Variants in CACNA2D3 observed in about 807,000 individuals in gnomAD.
The protein encoded by CACNA2D3 is voltage-dependent calcium channel subunit alpha-2/delta-3.
A neutral mutation model predicts 160.6 loss-of-function variants in CACNA2D3; 60 were observed. The ratio of observed to expected loss-of-function variants is 0.37; its 90% CI spans 0.30 to 0.46. The LOEUF (loss-of-function observed/expected upper bound fraction) is 0.46, where lower values mean the gene tolerates loss of function less well. Ranked by LOEUF, CACNA2D3 falls within the 20% of genes least tolerant of loss-of-function variation. The pLI, the probability that CACNA2D3 is intolerant of heterozygous loss-of-function variation, is 1.00. For missense variants in CACNA2D3, 1,205 were observed against 1,365.0 expected, an observed-to-expected ratio of 0.88 and a Z score of 1.85; for synonymous variants, 558 against 492.9, an observed-to-expected ratio of 1.13 and a Z score of -1.75.
chr3:54,691,339 G>A (rs1034382904), intron 11 of CACNA2D3, among the ~76,000 whole-genome samples: 2 of 152,180 alleles, frequency 1.3e-5, no homozygotes, highest in African/African-American at 4.8e-5. Context: ...CAGCAGCCAG[G>A]CTCTTTGCTA....
rs112303643 is a variant in CACNA2D3, at chr3:54,493,720, G to A, written c.382-9772G>A. Among the ~76,000 whole-genome samples, 571 of 152,274 alleles carry A rather than the reference G, an allele frequency of 3.7e-3. 2 individuals carry two copies. Among genetic ancestry groups the A allele is most frequent in the Middle Eastern group, 0.017 (5 of 294 alleles). ...AATAATTTCTGTCCCTTGAATATCC[G>A]ACAGCATCCTGCTGCCTGGGTTGAC... On this transcript the variant is annotated intron_variant, in intron 4 of 37. Coordinates refer to ENST00000474759, the MANE Select transcript of CACNA2D3 (RefSeq NM_018398.3).
chr3:54,584,410 C>T (rs897814864), intron 9 of CACNA2D3, among the ~76,000 whole-genome samples: 2 of 152,076 alleles, frequency 1.3e-5, no homozygotes, highest in Non-Finnish European at 2.9e-5. Flanking sequence ...CACTGATGAG[C>T]TCAATAGAGT....
chr3:54,724,843 A>C (rs545590012), intron 11 of CACNA2D3, among the ~76,000 whole-genome samples: 46 of 152,280 alleles, frequency 3.0e-4, no homozygotes, highest in African/African-American at 1.0e-3. Context: ...TGACACGCTA[A>C]TATCAAAATT....
At chr3:54,972,418 A>G (rs1477693443) in intron 29 of CACNA2D3, among the ~76,000 whole-genome samples, 1 of 152,178 alleles carries the variant, frequency 6.6e-6, no homozygotes, top group Non-Finnish European at 1.5e-5. Flanking sequence ...CCATTGTTTC[A>G]GCAGACTCTT....
intron 11 of CACNA2D3, among the ~76,000 whole-genome samples, chr3:54,679,461 A>C (rs909734524): frequency 6.6e-6 from 1 of 152,192 alleles, no homozygotes; most frequent in Non-Finnish European, 1.5e-5. Context: ...CTCTGTGTGC[A>C]TCAATCCCTG....
At chr3:54,445,607 A>G (rs2106804605) in intron 4 of CACNA2D3, among the ~76,000 whole-genome samples, 1 of 146,212 alleles carries the variant, frequency 6.8e-6, no homozygotes, top group African/African-American at 2.5e-5. Context: ...AAGAAGGAGA[A>G]AATGGAGCAT....
chr3:54,733,005 T>A (rs1377550071), intron 11 of CACNA2D3, among the ~76,000 whole-genome samples: 1 of 152,240 alleles, frequency 6.6e-6, no homozygotes, highest in Non-Finnish European at 1.5e-5. Flanking sequence ...GGGAACTCAC[T>A]GGGGACCATC....
intron 2 of CACNA2D3, among the ~76,000 whole-genome samples, chr3:54,247,541 TA>T (rs1374225652): frequency 6.6e-6 from 1 of 152,100 alleles, no homozygotes; most frequent in Middle Eastern, 3.4e-3. Context: ...GATAATGCCT[TA>T]AATTAAGTAG....
intron 4 of CACNA2D3, among the ~76,000 whole-genome samples, chr3:54,502,827 T>G (rs1701315002): frequency 6.6e-6 from 1 of 152,200 alleles, no homozygotes; most frequent in Non-Finnish European, 1.5e-5. Flanking sequence ...CTTAGAGTGA[T>G]TTCTGACACA....
At chr3:54,410,716 T>A (rs1364972274) in intron 4 of CACNA2D3, among the ~76,000 whole-genome samples, 3 of 152,088 alleles carry the variant, frequency 2.0e-5, no homozygotes, top group African/African-American at 7.2e-5. Flanking sequence ...TACAAAGAGA[T>A]TAATGTTGTT....
intron 11 of CACNA2D3, among the ~76,000 whole-genome samples, chr3:54,697,074 C>G (rs867250619): frequency 2.0e-5 from 3 of 152,050 alleles, no homozygotes; most frequent in African/African-American, 4.8e-5. Context: ...CTCAGGAGTT[C>G]AAGACCAGCC....
intron 13 of CACNA2D3, among the ~76,000 whole-genome samples, chr3:54,778,737 C>T (rs1559579014): frequency 6.6e-6 from 1 of 152,186 alleles, no homozygotes; most frequent in Non-Finnish European, 1.5e-5. Context: ...ATCTCATAGA[C>T]TCAGAGATCC....
intron 4 of CACNA2D3, among the ~76,000 whole-genome samples, chr3:54,500,137 A>C (rs1701265321): frequency 1.3e-5 from 2 of 152,190 alleles, no homozygotes; most frequent in Non-Finnish European, 2.9e-5. Flanking sequence ...TTTATCATTA[A>C]GTAATGCCTG....
intron 2 of CACNA2D3, among the ~76,000 whole-genome samples, chr3:54,214,687 C>T (rs895953026): frequency 1.3e-5 from 2 of 152,096 alleles, no homozygotes; most frequent in African/African-American, 4.8e-5. Context: ...GAGGATGCCC[C>T]AGCACAGTCA....
chr3:54,211,126 A>G (rs1012983376), intron 2 of CACNA2D3, among the ~76,000 whole-genome samples: 1 of 152,150 alleles, frequency 6.6e-6, no homozygotes, highest in Non-Finnish European at 1.5e-5. Context: ...TTGTGGATAT[A>G]TGTGTATACA....
chr3:55,038,708 G>A (rs1284491906), intron 35 of CACNA2D3, among the ~76,000 whole-genome samples: 1 of 151,542 alleles, frequency 6.6e-6, no homozygotes, highest in African/African-American at 2.4e-5. Context: ...CAACAAAACA[G>A]GTAGAACAGT....
intron 9 of CACNA2D3, among the ~76,000 whole-genome samples, chr3:54,590,137 G>T (rs562142122): frequency 2.0e-5 from 3 of 152,148 alleles, no homozygotes; most frequent in African/African-American, 7.2e-5. Flanking sequence ...TAATAGCCTA[G>T]AACTAGAAAC....
rs72874283 is a variant in CACNA2D3, at chr3:54,838,482, C to T, written c.1471-86C>T. ...GTATCAGTTTGGGGAAGGCACCAGG[C>T]AGACGGTATGTGACTTCTCGTGAGA... On this transcript the variant is annotated intron_variant, in intron 15 of 37. Coordinates refer to ENST00000474759, the MANE Select transcript of CACNA2D3 (RefSeq NM_018398.3). The T allele has an allele frequency of 3.1e-3, 3,235 of 1,052,604 alleles. 67 individuals carry two copies. In the African/African-American group the frequency reaches 0.04, roughly 13 times the overall value. The allele number at this position is 1,052,604 out of a possible 1,614,324, so 65.2% of individuals were successfully genotyped here.
intron 4 of CACNA2D3, among the ~76,000 whole-genome samples, chr3:54,430,835 C>T (rs1319471275): frequency 6.6e-6 from 1 of 152,132 alleles, no homozygotes. Flanking sequence ...CCTTAAACAA[C>T]ACAGGGGCTT....
Sources: allele counts gnomAD v4.1 joint callset (sites outside exome capture counted in the v4.1 genomes callset), GRCh38; gene constraint gnomAD v4.1.1; transcripts MANE v1.5; gene names NCBI Gene and HGNC (gene_info 2026-07-23, HGNC 2026-07-21).